The following HOOK1 variants were observed in gnomAD, a reference collection of about 807,000 sequenced individuals.
HOOK1 encodes hook microtubule tethering protein 1.
In HOOK1, 60 loss-of-function variants were observed where a neutral mutation model predicts 112.8. The observed-to-expected ratio is 0.53, with a 90% CI of 0.43 to 0.66. HOOK1 has a LOEUF of 0.66. HOOK1 is among the 30% of genes least tolerant of loss of function. The pLI is 0.00. For missense variants in HOOK1, 770 were observed against 856.0 expected, an observed-to-expected ratio of 0.90 and a Z score of 1.25; for synonymous variants, 294 against 283.8, an observed-to-expected ratio of 1.04 and a Z score of -0.36.
rs913777210 is a variant in HOOK1 at position 59,824,376 on chromosome 1, T to A, written c.149+2433T>A. Among the ~76,000 whole-genome samples, 11 of 152,228 alleles carry A rather than the reference T, an allele frequency of 7.2e-5. No homozygotes were observed. In the East Asian group the frequency reaches 2.1e-3, roughly 29 times the overall value. ...GCGCATGCCACCATGCCTGGCTAATTTTTGTATTGTTAGGAGAGATGGGGT... is the reference window on the plus strand; with the variant it reads ...GCGCATGCCACCATGCCTGGCTAATATTTGTATTGTTAGGAGAGATGGGGT... On this transcript the variant is annotated intron_variant, in intron 2 of 21. Transcript: ENST00000371208.
Position 59,835,076 on chromosome 1 carries a change from A to C in HOOK1, c.407-269A>C, listed in dbSNP as rs75417260. Among the ~76,000 whole-genome samples the C allele has an allele frequency of 7.2e-5, 11 of 152,286 alleles. No individual in the cohort carries two copies. The East Asian group carries it at 2.1e-3, about 29-fold the overall frequency. On this transcript the variant is annotated intron_variant, in intron 5 of 21. Transcript: ENST00000371208. ...GATACATAACTTTTTAAAAGCTTTCACACTTTTGTATTTTGCTGTATGAAT... is the reference window on the plus strand; with the variant it reads ...GATACATAACTTTTTAAAAGCTTTCCCACTTTTGTATTTTGCTGTATGAAT...
rs2098396870 is a variant in HOOK1 at position 59,835,387 on chromosome 1, A to T, written c.449A>T (p.His150Leu). ...ATGACACTGGAAGAGTCTGTTCAAC[A>T]TGTGGTCATGACTGCTATTCAAGAG... Reference protein sequence around the residue: ...NIMTLEESVQHVVMTAIQELM... With the variant: ...NIMTLEESVQLVVMTAIQELM... The change falls in exon 6 of 22, where the codon CAT (histidine) becomes CTT (leucine). Residue 150 changes from histidine to leucine, a missense_variant. Coordinates refer to ENST00000371208, the MANE Select transcript of HOOK1 (RefSeq NM_015888.6). 6.3e-7 allele frequency: 1 copy of T among 1,592,084 alleles called. No individual in the cohort carries two copies. The highest frequency in any genetic ancestry group is 1.1e-5 in the South Asian group (1 of 90,200).
Position 59,843,525 on chromosome 1 carries a change from C to T in HOOK1, c.715C>T (p.Pro239Ser). ...LDQLDGSFDD[P>S]NTVVAKKYFH... Reference sequence around the variant, plus strand: ...CCAGTTGGATGGCTCTTTTGATGATCCAAACACAGTGGTTGCAAAAAAGTA... The same window carrying T: ...CCAGTTGGATGGCTCTTTTGATGATTCAAACACAGTGGTTGCAAAAAAGTA... Residue 239 changes from proline to serine, a missense_variant, in exon 9 of 22, where the codon CCA (proline) becomes TCA (serine). Transcript: ENST00000371208. The T allele has an allele frequency of 6.2e-7, 1 of 1,609,432 alleles. No individual in the cohort carries two copies. Among genetic ancestry groups the T allele is most frequent in the Non-Finnish European group, 8.5e-7 (1 of 1,177,506 alleles).
chr1:59,836,688 T>C (rs970529530), intron 6 of HOOK1, among the ~76,000 whole-genome samples, 185 bp from the exon 7 acceptor site: 7 of 152,174 alleles, frequency 4.6e-5, no homozygotes, highest in South Asian at 4.1e-4. Flanking sequence ...CTCACTAATA[T>C]GCTTGAATTT....
intron 10 of HOOK1, 46 bp downstream of exon 10, chr1:59,847,231 TTA>T (rs2098404541): frequency 6.7e-7 from 1 of 1,483,354 alleles, no homozygotes; most frequent in Non-Finnish European, 9.2e-7. Context: ...TCTGAGCTAT[TTA>T]GTCAATTTGA....
At chr1:59,870,934 T>G in intron 20 of HOOK1, 108 bp from the exon 21 acceptor site, 1 of 730,592 alleles carries the variant, frequency 1.4e-6, no homozygotes, top group Non-Finnish European at 2.4e-6. Flanking sequence ...GCCTCACAAG[T>G]GCAATCTTTA....
chr1:59,851,854 G>A (rs1009448049), intron 12 of HOOK1, among the ~76,000 whole-genome samples: 10 of 151,436 alleles, frequency 6.6e-5, no homozygotes, highest in African/African-American at 2.2e-4. Flanking sequence ...CCTTCTATTC[G>A]TAGTTTGTTG....
intron 12 of HOOK1, among the ~76,000 whole-genome samples, chr1:59,849,546 A>C (rs975617969): frequency 1.3e-5 from 2 of 151,594 alleles, no homozygotes; most frequent in Non-Finnish European, 3.0e-5. Context: ...TTGGTTTTTA[A>C]TATATTCACA....
Position 59,858,993 on chromosome 1 carries a change from G to T in HOOK1, c.1339G>T (p.Ala447Ser), listed in dbSNP as rs548640163. 5.1e-6 allele frequency: 8 copies of T among 1,569,756 alleles called. No homozygotes were observed. The African/African-American group carries it at 1.1e-4, about 21-fold the overall frequency. Reference sequence around the variant, plus strand: ...TTTTTGTTATTTTTTAGATGCATCTGCTACAAAAAGTTATGAGAATCTTGC... The same window carrying T: ...TTTTTGTTATTTTTTAGATGCATCTTCTACAAAAAGTTATGAGAATCTTGC... ...QDHLNQTDAS[A>S]TKSYENLAAE... The change falls in exon 14 of 22, where the codon GCT (alanine) becomes TCT (serine). Residue 447 changes from alanine (A) to serine (S), a missense_variant. By Grantham distance (99) the Ala-to-Ser change is moderately conservative (BLOSUM62 1). Around this residue, in one of 3 missense-constraint regions of HOOK1, gnomAD observed 655 missense variants for 725.9 expected, o/e 0.90. Transcript: ENST00000371208.
At chr1:59,856,649 C>T (rs560593898) in intron 12 of HOOK1, among the ~76,000 whole-genome samples, 141 of 152,078 alleles carry the variant, frequency 9.3e-4, no homozygotes, top group African/African-American at 3.3e-3. Context: ...GGGACTAATT[C>T]TGTAAAGCCC....
chr1:59,829,199 G>A (rs569309443), intron 3 of HOOK1, among the ~76,000 whole-genome samples: 1 of 151,984 alleles, frequency 6.6e-6, no homozygotes, highest in Non-Finnish European at 1.5e-5. Flanking sequence ...TTCACTCAGT[G>A]TAATTTTTCA....
At chr1:59,855,946 A>T (rs1438680637) in intron 12 of HOOK1, among the ~76,000 whole-genome samples, 5 of 92,702 alleles carry the variant, frequency 5.4e-5, no homozygotes, top group African/African-American at 2.6e-4. Flanking sequence ...GCTAATTTAT[A>T]TATATATATA....
chr1:59,838,301 G>A (rs1046684897), intron 7 of HOOK1, among the ~76,000 whole-genome samples: 13 of 152,000 alleles, frequency 8.6e-5, no homozygotes, highest in African/African-American at 3.1e-4. Flanking sequence ...ACTAATTTAT[G>A]CTCCCAACAA....
At chr1:59,863,193 T>C (rs979917224) in intron 16 of HOOK1, among the ~76,000 whole-genome samples, 2 of 152,276 alleles carry the variant, frequency 1.3e-5, no homozygotes, top group Admixed American at 1.3e-4. Flanking sequence ...GAGAGCATAC[T>C]ACAATTGAGG....
At chr1:59,819,024 G>A (rs547726402) in intron 1 of HOOK1, among the ~76,000 whole-genome samples, 6 of 152,010 alleles carry the variant, frequency 3.9e-5, no homozygotes, top group South Asian at 2.1e-4. Flanking sequence ...TGTGTTTAGC[G>A]GTAGACACCT....
At chr1:59,831,726 T>G (rs2098394117) in intron 3 of HOOK1, among the ~76,000 whole-genome samples, 1 of 152,214 alleles carries the variant, frequency 6.6e-6, no homozygotes, top group Non-Finnish European at 1.5e-5. Flanking sequence ...GACAGAAAGC[T>G]TGTACTAGTG....
At chr1:59,843,888 G>A (rs1405992003) in intron 9 of HOOK1, among the ~76,000 whole-genome samples, 2 of 151,964 alleles carry the variant, frequency 1.3e-5, no homozygotes, top group African/African-American at 4.8e-5. Flanking sequence ...TGAAACCTGG[G>A]GAGAACAAGG....
At chr1:59,822,245 C>A (rs1351148137) in intron 2 of HOOK1, among the ~76,000 whole-genome samples, 1 of 152,080 alleles carries the variant, frequency 6.6e-6, no homozygotes, top group East Asian at 1.9e-4. Context: ...ATAAAAGAAA[C>A]AAGTTAATGA....
At chr1:59,865,753 TTTAAG>T in intron 18 of HOOK1, 114 bp from the exon 19 acceptor site, 1 of 412,678 alleles carries the variant, frequency 2.4e-6, no homozygotes. Flanking sequence ...AGGCTTTTCT[TTTAAG>T]TTATCGTCTT....
Sources: allele counts gnomAD v4.1 joint callset (sites outside exome capture counted in the v4.1 genomes callset), GRCh38; gene constraint gnomAD v4.1.1; regional missense constraint gnomAD v4.1.1; transcripts MANE v1.5; gene names NCBI Gene and HGNC (gene_info 2026-07-23, HGNC 2026-07-21).